Variants in CRACR2A observed in about 807,000 individuals in gnomAD.
CRACR2A encodes calcium release activated channel regulator 2A.
CRACR2A carries 79 observed loss-of-function variants against 90.5 expected under a neutral mutation model. That is an observed-to-expected ratio of 0.87 (90% CI 0.73 to 1.05). CRACR2A has a LOEUF of 1.05. CRACR2A is among the 50% of genes least tolerant of loss of function. The pLI, the probability that CRACR2A is intolerant of heterozygous loss-of-function variation, is 0.00. For missense variants in CRACR2A, 823 were observed against 897.2 expected (o/e 0.92, Z 1.06); for synonymous variants, 338 against 356.7 (o/e 0.95, Z 0.59).
intron 3 of CRACR2A, among the ~76,000 whole-genome samples, chr12:3,698,078 T>C (rs2137709788): frequency 6.6e-6 from 1 of 152,226 alleles, no homozygotes; most frequent in East Asian, 1.9e-4. Context: ...TCTGAGCATC[T>C]GTAAGTCTGT....
chr12:3,657,244 C>G (rs1444792754), intron 8 of CRACR2A, among the ~76,000 whole-genome samples: 2 of 152,284 alleles, frequency 1.3e-5, no homozygotes, highest in African/African-American at 2.4e-5. Context: ...CCCATGCCAT[C>G]TGCAGCACTC....
chr12:3,691,860 T>C (rs1945654894), intron 4 of CRACR2A, among the ~76,000 whole-genome samples: 1 of 152,246 alleles, frequency 6.6e-6, no homozygotes, highest in African/African-American at 2.4e-5. Context: ...TTCTTTTTTC[T>C]CTATTCTTGT....
rs185572810 is a variant in CRACR2A, at chr12:3,721,947, T to C, written c.-117-8630A>G. On this transcript the variant is annotated intron_variant, in intron 2 of 19. Transcript: ENST00000440314. Reference sequence around the variant, plus strand: ...ACTGGCACAAGGACAGAGTAAGAGATAGGACAGGAGGGCTAGAAAGCCTTG... The same window carrying C: ...ACTGGCACAAGGACAGAGTAAGAGACAGGACAGGAGGGCTAGAAAGCCTTG... 1.6e-4 allele frequency among the ~76,000 whole-genome samples: 24 copies of C among 152,262 alleles called. No individual in the cohort carries two copies. The East Asian group carries it at 4.2e-3, about 27-fold the overall frequency.
chr12:3,682,359 G>A (rs1262094785), intron 4 of CRACR2A, among the ~76,000 whole-genome samples: 1 of 152,164 alleles, frequency 6.6e-6, no homozygotes, highest in East Asian at 1.9e-4. Flanking sequence ...ATGTTAGCAT[G>A]AACCAGGAGA....
At chr12:3,645,030 C>T (rs1328280163) in intron 11 of CRACR2A, among the ~76,000 whole-genome samples, 3 of 152,226 alleles carry the variant, frequency 2.0e-5, no homozygotes, top group African/African-American at 7.2e-5. Context: ...TGCATGCACG[C>T]ATTCACTCAA....
At chr12:3,657,386 A>G (rs1426413800) in intron 8 of CRACR2A, among the ~76,000 whole-genome samples, 1 of 152,248 alleles carries the variant, frequency 6.6e-6, no homozygotes, top group Non-Finnish European at 1.5e-5. Context: ...CAAGGAGGAC[A>G]GCGTGGGATG....
chr12:3,666,364 T>TGCGCGCGCGC (rs1555112150), intron 7 of CRACR2A, among the ~76,000 whole-genome samples: 1 of 149,498 alleles, frequency 6.7e-6, no homozygotes, highest in African/African-American at 2.5e-5. Context: ...TGCGTGCGTG[T>TGCGCGCGCGC]GCGCGTGCGC....
chr12:3,729,806 G>A (rs553323477), intron 2 of CRACR2A: 1 of 152,322 alleles, frequency 6.6e-6, no homozygotes, highest in East Asian at 1.9e-4. Flanking sequence ...TTCTGTGTGC[G>A]AGTTATGAGT....
chr12:3,629,161 T>C (rs1338529155), intron 15 of CRACR2A, among the ~76,000 whole-genome samples: 2 of 151,998 alleles, frequency 1.3e-5, no homozygotes, highest in Non-Finnish European at 2.9e-5. Flanking sequence ...TATGTACTCA[T>C]ACATACACAT....
intron 10 of CRACR2A, among the ~76,000 whole-genome samples, chr12:3,649,029 C>T (rs1219168406): frequency 6.6e-6 from 1 of 151,006 alleles, no homozygotes; most frequent in African/African-American, 2.4e-5. Context: ...GGGAATTGAA[C>T]AATGAGAACA....
chr12:3,615,432 T>C lies in CRACR2A; in HGVS notation c.2119A>G (p.Lys707Glu). The C allele has an allele frequency of 6.5e-7, 1 of 1,550,104 alleles. No homozygotes were observed. Among genetic ancestry groups the C allele is most frequent in the Non-Finnish European group, 8.7e-7 (1 of 1,146,082 alleles). The change falls in exon 20 of 20, where the codon AAG (lysine) becomes GAG (glutamate). Residue 707 changes from lysine to glutamate, a missense_variant. Coordinates refer to ENST00000440314, the MANE Select transcript of CRACR2A (RefSeq NM_001144958.2). ...TCTCTCACTGTGTCTTCTTGCTCCTTGAGGAACCTGGGAGAGGGGAAGAGA... is the reference window on the plus strand; with the variant it reads ...TCTCTCACTGTGTCTTCTTGCTCCTCGAGGAACCTGGGAGAGGGGAAGAGA... ...ESLLHLARFL[K>E]EQEDTVREDT...
At chr12:3,719,116 G>A (rs1376689247) in intron 2 of CRACR2A, among the ~76,000 whole-genome samples, 1 of 152,204 alleles carries the variant, frequency 6.6e-6, no homozygotes, top group African/African-American at 2.4e-5. Context: ...CAGATGTTAT[G>A]ATTAACACAG....
intron 5 of CRACR2A, 91 bp downstream of exon 5, chr12:3,680,147 G>A: frequency 9.6e-7 from 1 of 1,038,482 alleles, no homozygotes; most frequent in Non-Finnish European, 1.5e-6. Flanking sequence ...TTTACTACCT[G>A]CCCCCCAGGT....
At chr12:3,621,587 C>T (rs1248978427) in intron 17 of CRACR2A, among the ~76,000 whole-genome samples, 1 of 123,620 alleles carries the variant, frequency 8.1e-6, no homozygotes, top group Non-Finnish European at 1.6e-5. Context: ...GGAGGCGGAG[C>T]TTGCAGTGAG....
intron 2 of CRACR2A, among the ~76,000 whole-genome samples, chr12:3,721,752 T>C (rs923868488): frequency 6.6e-6 from 1 of 152,168 alleles, no homozygotes. Flanking sequence ...TGTACCACAA[T>C]ATCAATGGTG....
chr12:3,627,299 C>T, intron 17 of CRACR2A, 137 bp downstream of exon 17: 1 of 661,744 alleles, frequency 1.5e-6, no homozygotes, highest in East Asian at 2.7e-5. Context: ...GAACACATGC[C>T]TGCATCAGTT....
chr12:3,627,332 C>A, intron 17 of CRACR2A, 104 bp downstream of exon 17: 1 of 830,214 alleles, frequency 1.2e-6, no homozygotes, highest in African/African-American at 1.7e-5. Flanking sequence ...AGGCAAGTTC[C>A]GAATCAGATT....
chr12:3,657,762 A>G (rs1226433822), intron 8 of CRACR2A, among the ~76,000 whole-genome samples: 1 of 152,130 alleles, frequency 6.6e-6, no homozygotes, highest in Non-Finnish European at 1.5e-5. Flanking sequence ...CAGAATCCCC[A>G]TGATGATGTG....
chr12:3,643,823 T>A (rs868719514), intron 12 of CRACR2A, among the ~76,000 whole-genome samples: 37 of 108,218 alleles, frequency 3.4e-4, no homozygotes, highest in African/African-American at 1.1e-3. Flanking sequence ...ATATTTATAT[T>A]ATATATAAAT....
Sources: gnomAD v4.1 joint callset for allele counts (sites outside exome capture counted in the v4.1 genomes callset) on GRCh38, gnomAD v4.1.1 for gene constraint, MANE v1.5 for transcripts, NCBI Gene and HGNC (gene_info 2026-07-23, HGNC 2026-07-21) for gene names.